NOL8: variants seen among roughly 807,000 people sequenced by gnomAD.
The protein encoded by NOL8 is nucleolar protein Nop132.
NOL8 carries 93 observed loss-of-function variants against 116.1 expected under a neutral mutation model. The ratio of observed to expected loss-of-function variants is 0.80; its 90% CI spans 0.68 to 0.95. The LOEUF (loss-of-function observed/expected upper bound fraction) is 0.95, where lower values mean the gene tolerates loss of function less well. NOL8 is among the 40% of genes least tolerant of loss of function. NOL8 has a pLI of 0.00. For synonymous variants in NOL8, 419 were observed against 469.0 expected, an observed-to-expected ratio of 0.89 and a Z score of 1.38; for missense variants, 1,291 against 1,382.8, an observed-to-expected ratio of 0.93 and a Z score of 1.05.
At chr9:92,302,376 C>T (rs899883055) in intron 12 of NOL8, among the ~76,000 whole-genome samples, 1 of 152,158 alleles carries the variant, frequency 6.6e-6, no homozygotes, top group East Asian at 1.9e-4. Flanking sequence ...AGTTACTTGG[C>T]AGTTTCCAAT....
chr9:92,310,963 T>C, intron 8 of NOL8, 183 bp downstream of exon 8: 3 of 586,790 alleles, frequency 5.1e-6, no homozygotes, highest in Non-Finnish European at 9.0e-6. Flanking sequence ...GCAGATGTTG[T>C]GGAGAATATA....
chr9:92,319,994 C>T (rs188451600), intron 4 of NOL8: 71 of 446,104 alleles, frequency 1.6e-4, no homozygotes, highest in Admixed American at 1.2e-3. Flanking sequence ...AAGACCAAGA[C>T]CATGGATCGC....
At chr9:92,316,214 G>T in intron 6 of NOL8, 76 bp from the exon 7 acceptor site, 2 of 1,447,848 alleles carry the variant, frequency 1.4e-6, no homozygotes, top group Non-Finnish European at 1.9e-6. Context: ...AAAAAATATT[G>T]CTTAATCTCA....
chr9:92,299,770 A>T, intron 14 of NOL8, 120 bp downstream of exon 14: 1 of 1,096,608 alleles, frequency 9.1e-7, no homozygotes. Context: ...AAAATAAAAT[A>T]AAAAAAGAAG....
Position 92,315,318 on chromosome 9 carries a change from G to A in NOL8, c.1307C>T (p.Ser436Leu), listed in dbSNP as rs751682270. 2 of 1,613,830 alleles carry A rather than the reference G, an allele frequency of 1.2e-6. No individual in the cohort carries two copies. The highest frequency in any genetic ancestry group is 1.7e-6 in the Non-Finnish European group (2 of 1,179,818). Residue 436 changes from serine to leucine, a missense_variant, in exon 7 of 17, where the codon TCA becomes TTA. By Grantham distance (145) the Ser-to-Leu change is moderately radical (BLOSUM62 -2). Coordinates refer to ENST00000442668, the MANE Select transcript of NOL8 (RefSeq NM_017948.6). ...KLQKRKSNVE[S>L]ALSHGLKSLN... ...AGACTTTAATCCATGACTGAGGGCT[G>A]ACTCTACATTGCTTTTTCTTTTTTG...
Position 92,311,139 on chromosome 9 carries a change from T to G in NOL8, c.2472+7A>C. 2 of 1,601,988 alleles carry G rather than the reference T, an allele frequency of 1.2e-6. No individual in the cohort carries two copies. The highest frequency in any genetic ancestry group is 2.2e-5 in the South Asian group (2 of 90,560). On this transcript the variant is annotated splice_region_variant and intron_variant, in intron 8 of 16. Transcript: ENST00000442668. ...GAATGTCCACAGAGACATCCTGAAC[T>G]TCTTACTTTCACCCATTCCTCTCCT...
intron 13 of NOL8, chr9:92,300,814 CA>C (rs35912497): frequency 0.29 from 242,871 of 833,392 alleles, 5,899 homozygotes; most frequent in African/African-American, 0.48. Context: ...ACTCTGTCTC[CA>C]AAAAAAAAAA....
chr9:92,300,726 T>C (rs758854428), intron 13 of NOL8: 1 of 1,171,134 alleles, frequency 8.5e-7, no homozygotes, highest in South Asian at 1.7e-5. Context: ...TTATACTTCC[T>C]TTTAAAGTAC....
Position 92,315,014 on chromosome 9 carries a change from C to T in NOL8, c.1611G>A (p.Gln537=), listed in dbSNP as rs1469005479. 1.9e-6 allele frequency: 3 copies of T among 1,614,044 alleles called. No individual in the cohort carries two copies. The highest frequency in any genetic ancestry group is 1.7e-6 in the Non-Finnish European group (2 of 1,179,882). The change falls in exon 7 of 17, where the codon CAG becomes CAA. Residue 537 remains glutamine (Q), a synonymous_variant. Coordinates refer to ENST00000442668, the MANE Select transcript of NOL8 (RefSeq NM_017948.6). ...KTPTGLRRGR[Q]CIRPAEIVAS... ...CCACAATCTCCGCAGGACGAATACACTGTCGGCCTCTGCGGAGGCCAGTGG... is the reference window on the plus strand; with the variant it reads ...CCACAATCTCCGCAGGACGAATACATTGTCGGCCTCTGCGGAGGCCAGTGG...
chr9:92,323,913 T>G (rs1426290095), intron 2 of NOL8, 110 bp downstream of exon 2: 4 of 1,233,996 alleles, frequency 3.2e-6, no homozygotes, highest in African/African-American at 1.5e-5. Context: ...CAACATCACT[T>G]AAAACTTTTG....
chr9:92,323,924 G>C (rs1444265950), intron 2 of NOL8, 99 bp downstream of exon 2: 2 of 1,285,944 alleles, frequency 1.6e-6, no homozygotes, highest in East Asian at 4.7e-5. Context: ...AAAACTTTTG[G>C]TGTTCAGAGC....
Position 92,298,451 on chromosome 9 carries a change from C to G in NOL8, c.3374-115G>C, listed in dbSNP as rs1465724905. ...ACCAGTTAAGATCATTCTTTTCCCT[C>G]AGTTTCTACCTATTTTCAAAAATTA... On this transcript the variant is annotated intron_variant, in intron 15 of 16. Coordinates refer to ENST00000442668, the MANE Select transcript of NOL8 (RefSeq NM_017948.6). 6.6e-6 allele frequency: 4 copies of G among 605,156 alleles called. No individual in the cohort carries two copies. In the Admixed American group the frequency reaches 1.0e-4, roughly 16 times the overall value. 37.5% of individuals were successfully genotyped at this position (605,156 alleles called of 1,614,324 possible).
At chr9:92,323,963 T>C in intron 2 of NOL8, 60 bp downstream of exon 2, 1 of 1,563,058 alleles carries the variant, frequency 6.4e-7, no homozygotes, top group Non-Finnish European at 8.7e-7. Flanking sequence ...TGTTTTATTT[T>C]CTAGCACTTA....
chr9:92,308,361 C>T (rs1370240553), intron 10 of NOL8, among the ~76,000 whole-genome samples: 1 of 151,630 alleles, frequency 6.6e-6, no homozygotes, highest in Non-Finnish European at 1.5e-5. Context: ...GATCCTGTCT[C>T]CAAAAAAATA....
chr9:92,309,861 C>T (rs1040217765), intron 10 of NOL8, among the ~76,000 whole-genome samples: 1 of 152,128 alleles, frequency 6.6e-6, no homozygotes, highest in African/African-American at 2.4e-5. Flanking sequence ...ATGGCTTCAC[C>T]CAGAACCTGC....
rs533379203 is a variant in NOL8, at chr9:92,298,925, G to C, written c.3332C>G (p.Thr1111Ser). 1.6e-5 allele frequency: 25 copies of C among 1,533,482 alleles called. No homozygotes were observed. In the South Asian group the frequency reaches 3.1e-4, roughly 19 times the overall value. The allele number at this position is 1,533,482 out of a possible 1,614,324, so 95.0% of individuals were successfully genotyped here. A position where few individuals can be genotyped will look rare whatever the true frequency, so the allele number is the denominator to read the frequency against. ...ATTCTTAGAGAAAAAGAAAAATCTA[G>C]TGGTCTCTTTCTCAAGTAATGATGC... ...GEASLLEKET[T>S]RFFFFSKNDE... Residue 1111 changes from threonine to serine, a missense_variant, in exon 15 of 17, where the codon ACT becomes AGT. By Grantham distance (58) the Thr-to-Ser change is moderately conservative. Coordinates refer to ENST00000442668, the MANE Select transcript of NOL8 (RefSeq NM_017948.6).
chr9:92,313,487 C>T (rs752458044), intron 7 of NOL8, among the ~76,000 whole-genome samples: 6 of 152,144 alleles, frequency 3.9e-5, no homozygotes, highest in Admixed American at 6.5e-5. Flanking sequence ...AGTTTGTCAA[C>T]TCCTGTTCCA....
At position 92,305,787 on chromosome 9, in the gene NOL8, A is replaced by G. The variant is rs1188689565; in HGVS notation, c.2869T>C (p.Tyr957His). The G allele has an allele frequency of 6.2e-7, 1 of 1,612,692 alleles. No homozygotes were observed. The highest frequency in any genetic ancestry group is 1.7e-5 in the Admixed American group (1 of 60,012). Residue 957 changes from tyrosine (Y) to histidine (H), a missense_variant, in exon 12 of 17, where the codon TAC becomes CAC. Coordinates refer to ENST00000442668, the MANE Select transcript of NOL8 (RefSeq NM_017948.6). ...GGCTTATCATCTCTTTTTCTTTCGT[A>G]AGTGGCATGGTCTTGCTTCGTTGGA... ...YDPTKQDHAT[Y>H]ERKRDDKPKE...
rs764549506 is a variant in NOL8 at position 92,315,202 on chromosome 9, T to C, written c.1423A>G (p.Asn475Asp). ...CGAAGGCAGTTTTTCATCATGGCAT[T>C]ATACTCCTCACCTCCTTCAGAGTCA... ...LADSEGGEEY[N>D]AMMKNCLRVN... Residue 475 changes from asparagine (N) to aspartate (D), a missense_variant, in exon 7 of 17, where the codon AAT becomes GAT. By Grantham distance (23) the Asn-to-Asp change is conservative (BLOSUM62 1). Coordinates refer to ENST00000442668, the MANE Select transcript of NOL8 (RefSeq NM_017948.6). 2 of 1,614,004 alleles carry C rather than the reference T, an allele frequency of 1.2e-6. No individual in the cohort carries two copies. The highest frequency in any genetic ancestry group is 1.7e-5 in the Admixed American group (1 of 60,020).
Sources: allele counts gnomAD v4.1 joint callset (sites outside exome capture counted in the v4.1 genomes callset), GRCh38; gene constraint gnomAD v4.1.1; transcripts MANE v1.5; gene names NCBI Gene and HGNC (gene_info 2026-07-23, HGNC 2026-07-21).